REPS1: variants seen among roughly 807,000 people sequenced by gnomAD.
REPS1 encodes the protein ralBP1-associated Eps domain-containing protein 1.
REPS1 carries 39 observed loss-of-function variants against 100.9 expected under a neutral mutation model. The observed-to-expected ratio is 0.39, with a 90% CI of 0.30 to 0.50. The LOEUF (loss-of-function observed/expected upper bound fraction) is 0.50, where lower values mean the gene tolerates loss of function less well. Ranked by LOEUF, REPS1 falls within the 20% of genes least tolerant of loss-of-function variation. The probability of loss-of-function intolerance (pLI) is 0.86; values close to 1 mark genes in which losing one functional copy is unlikely to be tolerated. For missense variants in REPS1, 821 were observed against 968.5 expected (o/e 0.85, Z 2.02); for synonymous variants, 324 against 340.3 (o/e 0.95, Z 0.53).
At chr6:138,915,672 C>T (rs776089931) in intron 14 of REPS1, among the ~76,000 whole-genome samples, 186 bp downstream of exon 14, 5 of 151,900 alleles carry the variant, frequency 3.3e-5, no homozygotes, top group Non-Finnish European at 7.4e-5. Context: ...AGGCTGGTCT[C>T]GAACTCATAA....
intron 2 of REPS1, 136 bp downstream of exon 2, chr6:138,947,654 G>C: frequency 1.5e-6 from 1 of 681,102 alleles, no homozygotes; most frequent in Non-Finnish European, 2.3e-6. Context: ...CAAGGTAGTG[G>C]GAATAAAGTC....
intron 8 of REPS1, among the ~76,000 whole-genome samples, chr6:138,940,232 T>C (rs569792453): frequency 6.6e-6 from 1 of 152,336 alleles, no homozygotes; most frequent in Non-Finnish European, 1.5e-5. Flanking sequence ...GCCTGATAGA[T>C]AAATGCCCAT....
At position 138,944,008 on chromosome 6, in the gene REPS1, G is replaced by C; in HGVS notation, c.761C>G (p.Thr254Arg). The C allele has an allele frequency of 6.2e-7, 1 of 1,613,722 alleles. No individual in the cohort carries two copies. Among genetic ancestry groups the C allele is most frequent in the Non-Finnish European group, 8.5e-7 (1 of 1,179,850 alleles). The stretch of plus-strand genomic sequence containing the variant: ...AGCTGATGCTACAGTTCGTACTGTT[G>C]TCTGGTCCTGTAATGAAACATTTTT... ...TMHPASVQDQ[T>R]TVRTVASATT... The change falls in exon 6 of 20, where the codon ACA (threonine) becomes AGA (arginine). Residue 254 changes from threonine (T) to arginine (R), a missense_variant. Physicochemically the swap from Thr to Arg is moderately conservative, Grantham distance 71 (BLOSUM62 -1). Around this residue, in one of 3 missense-constraint regions of REPS1, gnomAD observed 757 missense variants for 866.4 expected, o/e 0.87. Coordinates refer to ENST00000450536, the MANE Select transcript of REPS1 (RefSeq NM_001286611.2).
chr6:138,973,641 C>A (rs1300126681), intron 1 of REPS1, among the ~76,000 whole-genome samples: 1 of 149,488 alleles, frequency 6.7e-6, no homozygotes, highest in African/African-American at 2.5e-5. Flanking sequence ...TAAAGCAGAA[C>A]TACTTAAATC....
chr6:138,937,206 C>G (rs1002745499), intron 8 of REPS1, among the ~76,000 whole-genome samples: 3 of 152,054 alleles, frequency 2.0e-5, no homozygotes, highest in Non-Finnish European at 2.9e-5. Context: ...TACCTCCCAC[C>G]GGGTCCCTCC....
chr6:138,926,047 G>A (rs1026024431), intron 10 of REPS1, among the ~76,000 whole-genome samples: 3 of 152,154 alleles, frequency 2.0e-5, no homozygotes, highest in African/African-American at 7.2e-5. Flanking sequence ...TACATGATGT[G>A]TAAGCATACA....
At position 138,915,042 on chromosome 6, in the gene REPS1, G is replaced by A. The variant is rs778094335; in HGVS notation, c.1721-281C>T. The stretch of plus-strand genomic sequence containing the variant: ...ATAGCAAACAATCTTGATTTTCTTC[G>A]TGTATCTCTGACTGCTGTTTAGGTA... On this transcript the variant is annotated intron_variant, in intron 14 of 19. Coordinates refer to ENST00000450536, the MANE Select transcript of REPS1 (RefSeq NM_001286611.2). 4 of 367,230 alleles carry A rather than the reference G, an allele frequency of 1.1e-5. No individual in the cohort carries two copies. In the South Asian group the frequency reaches 1.2e-4, roughly 11 times the overall value. The allele number at this position is 367,230 out of a possible 1,614,324, so 22.7% of individuals were successfully genotyped here. A position where few individuals can be genotyped will look rare whatever the true frequency, so the allele number is the denominator to read the frequency against.
intron 1 of REPS1, among the ~76,000 whole-genome samples, chr6:138,972,355 A>C (rs1784386767): frequency 6.6e-6 from 1 of 152,226 alleles, no homozygotes. Flanking sequence ...GCTGGGAAGG[A>C]ACACACAGTC....
rs570927205 is a variant in REPS1, at chr6:138,973,327, A to G, written c.153+14203T>C. Among the ~76,000 whole-genome samples, 16 of 152,326 alleles carry G rather than the reference A, an allele frequency of 1.1e-4. No individual in the cohort carries two copies. In the Middle Eastern group the frequency reaches 0.017, roughly 162 times the overall value. ...AACATTCTAGAGATATAACTTGATGATTCAGATTTAGGTAAGTAAGCCTGT... is the reference window on the plus strand; with the variant it reads ...AACATTCTAGAGATATAACTTGATGGTTCAGATTTAGGTAAGTAAGCCTGT... On this transcript the variant is annotated intron_variant, in intron 1 of 19. Coordinates refer to ENST00000450536, the MANE Select transcript of REPS1 (RefSeq NM_001286611.2).
intron 4 of REPS1, 135 bp from the exon 5 acceptor site, chr6:138,944,757 T>A: frequency 1.3e-6 from 1 of 747,074 alleles, no homozygotes; most frequent in Non-Finnish European, 2.1e-6. Flanking sequence ...TTAGAAATTA[T>A]ACCTCATTTA....
At chr6:138,964,208 GT>G (rs1309045567) in intron 1 of REPS1, among the ~76,000 whole-genome samples, 26 of 146,966 alleles carry the variant, frequency 1.8e-4, no homozygotes, top group African/African-American at 4.2e-4. Context: ...ACATTCTCTT[GT>G]TTTTTTTTTC....
At chr6:138,970,949 C>T (rs1283161157) in intron 1 of REPS1, among the ~76,000 whole-genome samples, 1 of 151,948 alleles carries the variant, frequency 6.6e-6, no homozygotes, top group Admixed American at 6.5e-5. Flanking sequence ...ATGAGTAACA[C>T]CAGAAGCAAA....
In REPS1 at chr6:138,976,445, T is replaced by C. The variant is rs1391056514; in HGVS notation, c.153+11085A>G. ...TCAGTCCCTTTAAGTAACATTAGAATGGCCCACAAAAAGATTCATGATAGT... is the reference window on the plus strand; with the variant it reads ...TCAGTCCCTTTAAGTAACATTAGAACGGCCCACAAAAAGATTCATGATAGT... On this transcript the variant is annotated intron_variant, in intron 1 of 19. Transcript: ENST00000450536. Among the ~76,000 whole-genome samples, 4 of 152,288 alleles carry C rather than the reference T, an allele frequency of 2.6e-5. No individual in the cohort carries two copies. The South Asian group carries it at 8.3e-4, about 32-fold the overall frequency.
chr6:138,945,575 G>C lies in REPS1; in HGVS notation c.400C>G (p.Pro134Ala), dbSNP rs1782559512. 1 of 1,613,528 alleles carries C rather than the reference G, an allele frequency of 6.2e-7. No individual in the cohort carries two copies. The highest frequency in any genetic ancestry group is 1.3e-5 in the African/African-American group (1 of 74,860). The change falls in exon 3 of 20, where the codon CCT becomes GCT. Residue 134 changes from proline to alanine, a missense_variant. This residue lies in a region of REPS1 where 757 missense variants were observed against 866.4 expected (regional missense o/e 0.87). Transcript: ENST00000450536. ...CCCTTTTTCACTTGCCCCCTGCCAG[G>C]TGGTGGGGGAATTACACCAGAATAC... The part of the protein sequence containing the change: ...GSYSGVIPPP[P>A]GRGQVKKGSV...
intron 1 of REPS1, among the ~76,000 whole-genome samples, chr6:138,978,092 C>A (rs1784696894): frequency 1.0e-5 from 1 of 100,034 alleles, no homozygotes; most frequent in Non-Finnish European, 1.9e-5. Flanking sequence ...GGGCTTTCGC[C>A]CAGTTTTTTT....
In REPS1 at chr6:138,945,078, A is replaced by C. The variant is rs1782518749; in HGVS notation, c.628+141T>G. ...CCCTAAATAATTGTTACTTTCAAAA[A>C]ATCTCTAAGCCAGGTTCTGTGGCAC... On this transcript the variant is annotated intron_variant, in intron 4 of 19. Coordinates refer to ENST00000450536, the MANE Select transcript of REPS1 (RefSeq NM_001286611.2). The C allele has an allele frequency of 4.7e-6, 3 of 635,720 alleles. No individual in the cohort carries two copies. The South Asian group carries it at 1.2e-4, about 26-fold the overall frequency. 39.4% of individuals were successfully genotyped at this position (635,720 alleles called of 1,614,324 possible).
chr6:138,985,153 A>T (rs562235143), intron 1 of REPS1, among the ~76,000 whole-genome samples: 10 of 152,270 alleles, frequency 6.6e-5, no homozygotes, highest in African/African-American at 2.4e-4. Flanking sequence ...GTCCTTGAAA[A>T]GGCTCCTACA....
intron 13 of REPS1, among the ~76,000 whole-genome samples, 194 bp downstream of exon 13, chr6:138,917,361 T>C (rs1463282810): frequency 6.6e-6 from 1 of 152,232 alleles, no homozygotes; most frequent in African/African-American, 2.4e-5. Flanking sequence ...CAACATACCA[T>C]TTAGAAAGTC....
At chr6:138,921,870 C>T (rs912704369) in intron 10 of REPS1, among the ~76,000 whole-genome samples, 5 of 151,826 alleles carry the variant, frequency 3.3e-5, no homozygotes, top group African/African-American at 4.8e-5. Flanking sequence ...CCACTGCGCC[C>T]GGCCAGGTAG....
Sources: gnomAD v4.1 joint callset for allele counts (sites outside exome capture counted in the v4.1 genomes callset) on GRCh38, gnomAD v4.1.1 for gene constraint, gnomAD v4.1.1 regional missense constraint, MANE v1.5 for transcripts, NCBI Gene and HGNC (gene_info 2026-07-23, HGNC 2026-07-21) for gene names.